The following FAAH2 variants were observed in gnomAD, a reference collection of about 807,000 sequenced individuals.
FAAH2 encodes the protein fatty acid amide hydrolase 2, also known as fatty-acid amide hydrolase 2.
FAAH2 carries 60 observed loss-of-function variants against 36.9 expected under a neutral mutation model. The observed-to-expected ratio is 1.63, with a 90% CI of 1.32 to 2.02. The LOEUF is 2.02. FAAH2 is among the 30% of genes most tolerant of loss of function. The probability of loss-of-function intolerance (pLI) is 0.00; values close to 1 mark genes in which losing one functional copy is unlikely to be tolerated. For synonymous variants in FAAH2, 214 were observed against 143.8 expected (o/e 1.49, Z -3.49); for missense variants, 689 against 397.5 (o/e 1.73, Z -6.23).
At chrX:57,323,168 C>A (rs1009893992) in intron 3 of FAAH2, among the ~76,000 whole-genome samples, 3 of 111,299 alleles carry the variant, frequency 2.7e-5, no homozygotes, top group Non-Finnish European at 5.7e-5. Flanking sequence ...TGAACTCATC[C>A]TTTTTTATGG....
chrX:57,459,386 G>T (rs767420855), intron 10 of FAAH2, among the ~76,000 whole-genome samples: 30 of 112,268 alleles, frequency 2.7e-4, no homozygotes, highest in Non-Finnish European at 4.9e-4. Context: ...GGGGGAAAGG[G>T]TGGCTGTGGG....
At chrX:57,268,343 G>C in the FAAH2 span, among the ~76,000 whole-genome samples, 1 of 111,423 alleles carries the variant, frequency 9.0e-6, no homozygotes, top group Non-Finnish European at 1.9e-5. Flanking sequence ...CAAAAAAAAT[G>C]AGATTATGTA....
intron 7 of FAAH2, among the ~76,000 whole-genome samples, chrX:57,404,090 C>A (rs1242244986): frequency 8.9e-6 from 1 of 112,268 alleles, no homozygotes; most frequent in African/African-American, 3.2e-5. Flanking sequence ...GGGCCATCCA[C>A]AGGTTCCTGG....
At chrX:57,484,874 C>A (rs1355691758) in intron 10 of FAAH2, among the ~76,000 whole-genome samples, 3 of 110,923 alleles carry the variant, frequency 2.7e-5, no homozygotes, top group African/African-American at 9.9e-5. Flanking sequence ...AGGGGCTGGA[C>A]CTGGGTTGAG....
chrX:57,146,643 A>G, the FAAH2 span, among the ~76,000 whole-genome samples: 8 of 111,990 alleles, frequency 7.1e-5, no homozygotes, highest in South Asian at 2.6e-3. Context: ...GTCTTGTTCC[A>G]GTTCTCAGAG....
chrX:57,439,125 G>C (rs1308849889), intron 8 of FAAH2, among the ~76,000 whole-genome samples: 2 of 110,284 alleles, frequency 1.8e-5, no homozygotes, highest in Non-Finnish European at 3.8e-5. Context: ...CCAGTAATGG[G>C]ATGGCTGGGT....
intron 5 of FAAH2, among the ~76,000 whole-genome samples, chrX:57,350,828 G>A (rs1328194151): frequency 1.8e-5 from 2 of 111,019 alleles, no homozygotes; most frequent in African/African-American, 6.5e-5. Context: ...CCCAACATTG[G>A]AGCATCCAAA....
the FAAH2 span, among the ~76,000 whole-genome samples, chrX:57,144,579 G>A: frequency 9.2e-6 from 1 of 108,819 alleles, no homozygotes; most frequent in Non-Finnish European, 1.9e-5. Context: ...ACATGAGTAA[G>A]TTCTTTATTG....
intron 4 of FAAH2, among the ~76,000 whole-genome samples, chrX:57,333,220 C>G (rs1194453599): frequency 9.0e-6 from 1 of 111,556 alleles, no homozygotes; most frequent in African/African-American, 3.3e-5. Flanking sequence ...AACAATGGCA[C>G]TAGTTGAAAA....
At chrX:57,186,989 G>A in the FAAH2 span, among the ~76,000 whole-genome samples, 1 of 111,671 alleles carries the variant, frequency 9.0e-6, no homozygotes, top group Non-Finnish European at 1.9e-5. Context: ...TTTGAAGTAA[G>A]GTAGCATGAT....
At chrX:57,252,932 G>A in the FAAH2 span, among the ~76,000 whole-genome samples, 2 of 112,260 alleles carry the variant, frequency 1.8e-5, no homozygotes, top group Non-Finnish European at 3.8e-5. Context: ...GTTGACAGAA[G>A]TAGGCTTCAG....
At chrX:57,362,843 C>T (rs2054319222) in intron 5 of FAAH2, among the ~76,000 whole-genome samples, 1 of 111,794 alleles carries the variant, frequency 8.9e-6, no homozygotes, top group South Asian at 3.7e-4. Flanking sequence ...CTTCATTCCC[C>T]ATTGCTTGTT....
intron 10 of FAAH2, among the ~76,000 whole-genome samples, chrX:57,455,613 G>A (rs1431410748): frequency 1.8e-5 from 2 of 111,769 alleles, no homozygotes; most frequent in Admixed American, 9.5e-5. Flanking sequence ...GATCTATCAA[G>A]CAAATAGAAA....
chrX:57,417,829 C>G (rs1452109984), intron 7 of FAAH2, among the ~76,000 whole-genome samples: 1 of 111,952 alleles, frequency 8.9e-6, no homozygotes, highest in East Asian at 2.8e-4. Context: ...GCTGGGCCCA[C>G]AGCCGCCCCT....
chrX:57,181,308 T>G, the FAAH2 span, among the ~76,000 whole-genome samples: 1 of 111,973 alleles, frequency 8.9e-6, no homozygotes, highest in Admixed American at 9.5e-5. Flanking sequence ...TATTTCTGTT[T>G]GCAGACCACA....
chrX:57,163,059 T>G, the FAAH2 span, among the ~76,000 whole-genome samples: 1 of 112,054 alleles, frequency 8.9e-6, no homozygotes, highest in South Asian at 3.7e-4. Context: ...TCCTTTCTGT[T>G]TGTTAGTTTT....
intron 7 of FAAH2, among the ~76,000 whole-genome samples, chrX:57,382,697 CA>C (rs939342919): frequency 9.0e-6 from 1 of 110,989 alleles, no homozygotes; most frequent in Non-Finnish European, 1.9e-5. Context: ...GCCTAGCAAC[CA>C]AAAAAAGTCC....
intron 7 of FAAH2, among the ~76,000 whole-genome samples, chrX:57,412,775 T>C (rs2055734491): frequency 9.0e-6 from 1 of 111,638 alleles, no homozygotes; most frequent in African/African-American, 3.3e-5. Flanking sequence ...TATTTCTGGT[T>C]CTAGATCCTC....
Position 57,354,256 on chromosome X carries a change from A to G in FAAH2, c.742+12866A>G, listed in dbSNP as rs548703113. ...ATACACAATGGAATACTATTCTGCCATATGAAATCATGTCTTTTGCAGCAA... is the reference window on the plus strand; with the variant it reads ...ATACACAATGGAATACTATTCTGCCGTATGAAATCATGTCTTTTGCAGCAA... On this transcript the variant is annotated intron_variant, in intron 5 of 10. Coordinates refer to ENST00000374900, the MANE Select transcript of FAAH2 (RefSeq NM_174912.4). 2.7e-5 allele frequency among the ~76,000 whole-genome samples: 3 copies of G among 111,442 alleles called. No homozygotes were observed. The East Asian group carries it at 8.4e-4, about 31-fold the overall frequency.
Sources: gnomAD v4.1 joint callset for allele counts (sites outside exome capture counted in the v4.1 genomes callset) on GRCh38, gnomAD v4.1.1 for gene constraint, MANE v1.5 for transcripts, NCBI Gene and HGNC (gene_info 2026-07-23, HGNC 2026-07-21) for gene names.